Variants in FCHSD2 observed in about 807,000 individuals in gnomAD.
FCHSD2 encodes FCH and double SH3 domains 2, also known as F-BAR and double SH3 domains protein 2.
A neutral mutation model predicts 108.1 loss-of-function variants in FCHSD2; 38 were observed. The ratio of observed to expected loss-of-function variants is 0.35; its 90% CI spans 0.27 to 0.46. FCHSD2 has a LOEUF of 0.46. Ranked by LOEUF, FCHSD2 falls within the 20% of genes least tolerant of loss-of-function variation. The probability of loss-of-function intolerance (pLI) is 1.00; values close to 1 mark genes in which losing one functional copy is unlikely to be tolerated. For missense variants in FCHSD2, 751 were observed against 897.8 expected (o/e 0.84, Z 2.09); for synonymous variants, 279 against 314.7 (o/e 0.89, Z 1.20).
intron 3 of FCHSD2, among the ~76,000 whole-genome samples, chr11:73,071,006 C>T (rs1189917140): frequency 6.6e-6 from 1 of 152,106 alleles, no homozygotes; most frequent in Non-Finnish European, 1.5e-5. Context: ...TTTATTTGTC[C>T]AATTCCACAA....
intron 6 of FCHSD2, among the ~76,000 whole-genome samples, chr11:72,986,460 C>T (rs1036675815): frequency 3.3e-5 from 5 of 152,308 alleles, no homozygotes; most frequent in South Asian, 2.1e-4. Context: ...CCACCCGCCT[C>T]GGCCTCCCAA....
rs1056639666 is a variant in FCHSD2 at position 72,896,928 on chromosome 11, G to C, written c.924+5615C>G. Among the ~76,000 whole-genome samples, 33 of 152,026 alleles carry C rather than the reference G, an allele frequency of 2.2e-4. 1 individual carries two copies. The highest frequency in any genetic ancestry group is 2.0e-3 in the Admixed American group (31 of 15,240). The stretch of plus-strand genomic sequence containing the variant: ...TGCAAGCCCCGCCTCCCAGGTTCAC[G>C]CCATTCTCCTGCCTCAGCCTCCCGA... On this transcript the variant is annotated intron_variant, in intron 10 of 19. Transcript: ENST00000409418.
At chr11:72,950,307 A>C (rs1856597893) in intron 8 of FCHSD2, among the ~76,000 whole-genome samples, 1 of 152,170 alleles carries the variant, frequency 6.6e-6, no homozygotes, top group Non-Finnish European at 1.5e-5. Flanking sequence ...CACTTTCTCC[A>C]TAGATTCCTT....
At chr11:73,015,721 T>TA in intron 4 of FCHSD2, 88 bp downstream of exon 4, 1 of 705,524 alleles carries the variant, frequency 1.4e-6, no homozygotes, top group South Asian at 2.1e-5. Flanking sequence ...GTAATTCTTT[T>TA]AAAAACTAGA....
intron 12 of FCHSD2, among the ~76,000 whole-genome samples, chr11:72,883,384 A>G (rs1855129013): frequency 6.6e-6 from 1 of 152,228 alleles, no homozygotes; most frequent in Admixed American, 6.5e-5. Flanking sequence ...AAGACTGGAG[A>G]AAATATTTGC....
chr11:72,951,391 C>T (rs1856617170), intron 8 of FCHSD2, among the ~76,000 whole-genome samples: 1 of 152,164 alleles, frequency 6.6e-6, no homozygotes, highest in South Asian at 2.1e-4. Context: ...CATATGATAA[C>T]ACAGCAAACG....
At chr11:72,922,505 T>C (rs1855994147) in intron 8 of FCHSD2, among the ~76,000 whole-genome samples, 1 of 152,112 alleles carries the variant, frequency 6.6e-6, no homozygotes, top group African/African-American at 2.4e-5. Context: ...ACATTCTTAT[T>C]TCCTTAAACA....
chr11:72,945,635 T>A (rs2135348272), intron 8 of FCHSD2, among the ~76,000 whole-genome samples: 1 of 152,230 alleles, frequency 6.6e-6, no homozygotes, highest in Admixed American at 6.5e-5. Context: ...GGAGAATATT[T>A]TTGCAATCTA....
At chr11:73,068,465 T>C (rs188686890) in intron 3 of FCHSD2, among the ~76,000 whole-genome samples, 2 of 151,854 alleles carry the variant, frequency 1.3e-5, no homozygotes, top group African/African-American at 2.4e-5. Flanking sequence ...AATTTACCTA[T>C]GTAACAAACC....
At chr11:72,865,600 CCTT>C (rs147819361) in intron 13 of FCHSD2, among the ~76,000 whole-genome samples, 7,692 of 152,156 alleles carry the variant, frequency 0.051, 296 homozygotes, top group Non-Finnish European at 0.07. Context: ...CGAGAACAGC[CCTT>C]CTTCTTTATC....
chr11:73,135,591 AT>A (rs1400037258), intron 2 of FCHSD2, among the ~76,000 whole-genome samples: 1 of 152,218 alleles, frequency 6.6e-6, no homozygotes, highest in Non-Finnish European at 1.5e-5. Flanking sequence ...AGAGAAAAAA[AT>A]ATAATAATAA....
intron 2 of FCHSD2, among the ~76,000 whole-genome samples, chr11:73,105,882 C>T (rs1306349169): frequency 6.6e-6 from 1 of 152,180 alleles, no homozygotes; most frequent in Non-Finnish European, 1.5e-5. Context: ...CATTGTATTT[C>T]AGGTCTCTAA....
chr11:72,905,177 G>A (rs574097778), intron 9 of FCHSD2, among the ~76,000 whole-genome samples: 1 of 152,242 alleles, frequency 6.6e-6, no homozygotes, highest in Admixed American at 6.5e-5. Context: ...TCTTCTGACG[G>A]TAATTATTGT....
At chr11:72,891,917 C>A (rs950224358) in intron 10 of FCHSD2, among the ~76,000 whole-genome samples, 1 of 152,104 alleles carries the variant, frequency 6.6e-6, no homozygotes, top group African/African-American at 2.4e-5. Flanking sequence ...ATGTTAAAGA[C>A]CCAATTGAAA....
chr11:72,865,440 C>T (rs1019919769), intron 13 of FCHSD2, among the ~76,000 whole-genome samples: 1 of 152,048 alleles, frequency 6.6e-6, no homozygotes, highest in African/African-American at 2.4e-5. Flanking sequence ...GGAAGAAAAA[C>T]GTCGGATGGA....
chr11:73,031,799 GGCACA>G (rs915300853), intron 3 of FCHSD2, among the ~76,000 whole-genome samples: 1 of 152,116 alleles, frequency 6.6e-6, no homozygotes, highest in African/African-American at 2.4e-5. Context: ...GGTAAGAGCT[GGCACA>G]GCAGCCTTTT....
Position 72,889,945 on chromosome 11 carries a change from T to C in FCHSD2, c.925A>G (p.Ser309Gly). 2 of 1,578,396 alleles carry C rather than the reference T, an allele frequency of 1.3e-6. No individual in the cohort carries two copies. The highest frequency in any genetic ancestry group is 1.7e-6 in the Non-Finnish European group (2 of 1,147,720). ...CCAGTTTCTGATTCTAACTGTCGGC[T>C]CTACAATACAAGAGAGAACAGAGAT... is the stretch of plus-strand genomic sequence containing the variant. ...FQFQPCDSDTSRQLESETGTT... is the reference protein window; with the variant it reads ...FQFQPCDSDTGRQLESETGTT... Residue 309 changes from serine to glycine, a missense_variant and splice_region_variant, in exon 11 of 20, where the codon AGC becomes GGC. By Grantham distance (56) the Ser-to-Gly change is moderately conservative. Transcript: ENST00000409418.
Position 73,141,947 on chromosome 11 carries a change from AGAG to A in FCHSD2, c.-73_-71del, listed in dbSNP as rs1225068486. 7.5e-6 allele frequency: 11 copies of A among 1,459,726 alleles called. No homozygotes were observed. Among genetic ancestry groups the A allele is most frequent in the Non-Finnish European group, 8.3e-6 (9 of 1,080,450 alleles). The allele number at this position is 1,459,726 out of a possible 1,614,324, so 90.4% of individuals were successfully genotyped here. The stretch of plus-strand genomic sequence containing the variant: ...GGACCAGGAGGAGGAGGAGGGCCGG[AGAG>A]GAGGGGACGGCCCAGCGAGCGCGCG... On this transcript the variant is annotated 5_prime_UTR_variant, in exon 1 of 20. Transcript: ENST00000409418.
rs931710505 is a variant in FCHSD2 at position 72,864,568 on chromosome 11, G to A, written c.1308+3297C>T. On this transcript the variant is annotated intron_variant, in intron 13 of 19. Coordinates refer to ENST00000409418, the MANE Select transcript of FCHSD2 (RefSeq NM_014824.3). ...CCAAACAAACAAAAATACACATTATGTTGTACACCATAAATATATACAATT... is the reference window on the plus strand; with the variant it reads ...CCAAACAAACAAAAATACACATTATATTGTACACCATAAATATATACAATT... Among the ~76,000 whole-genome samples, 4 of 151,964 alleles carry A rather than the reference G, an allele frequency of 2.6e-5. No individual in the cohort carries two copies. The South Asian group carries it at 6.2e-4, about 24-fold the overall frequency.
Sources: gnomAD v4.1 joint callset for allele counts (sites outside exome capture counted in the v4.1 genomes callset) on GRCh38, gnomAD v4.1.1 for gene constraint, MANE v1.5 for transcripts, NCBI Gene and HGNC (gene_info 2026-07-23, HGNC 2026-07-21) for gene names.